MFSD11: variants seen among roughly 807,000 people sequenced by gnomAD.
The protein encoded by MFSD11 is major facilitator superfamily domain containing 11.
In MFSD11, 36 loss-of-function variants were observed where a neutral mutation model predicts 53.5. The observed-to-expected ratio is 0.67, with a 90% CI of 0.52 to 0.89. The LOEUF (loss-of-function observed/expected upper bound fraction) is 0.89, where lower values mean the gene tolerates loss of function less well. MFSD11 is among the 40% of genes least tolerant of loss of function. The probability of loss-of-function intolerance (pLI) is 0.00; values close to 1 mark genes in which losing one functional copy is unlikely to be tolerated. For missense variants in MFSD11, 530 were observed against 543.9 expected (o/e 0.97, Z 0.25); for synonymous variants, 186 against 184.9 (o/e 1.01, Z -0.05).
chr17:76,743,702 C>T (rs1215246551), intron 6 of MFSD11, among the ~76,000 whole-genome samples: 4 of 152,120 alleles, frequency 2.6e-5, no homozygotes, highest in Non-Finnish European at 4.4e-5. Context: ...CCGCAACCTC[C>T]GCCTCCCGGG....
At chr17:76,740,917 C>CTT (rs529882256) in intron 2 of MFSD11, 40 bp from the exon 3 acceptor site, 1,366 of 898,168 alleles carry the variant, frequency 1.5e-3, no homozygotes, top group African/African-American at 2.2e-3. Context: ...GGGCTTTGTT[C>CTT]TTTTTTTTTT....
intron 5 of MFSD11, 31 bp downstream of exon 5, chr17:76,742,304 T>C (rs765721566): frequency 6.4e-7 from 1 of 1,561,170 alleles, no homozygotes; most frequent in South Asian, 1.2e-5. Context: ...CAGTCTTTCC[T>C]TTTCTTTCTT....
chr17:76,743,943 G>T (rs1301585713), intron 6 of MFSD11, among the ~76,000 whole-genome samples: 1 of 152,140 alleles, frequency 6.6e-6, no homozygotes, highest in Non-Finnish European at 1.5e-5. Flanking sequence ...TAGGATTATA[G>T]TTTATGACTA....
At chr17:76,737,560 C>G (rs1184025068), upstream of MFSD11, 2 of 251,414 alleles carry the variant, frequency 8.0e-6, no homozygotes, top group South Asian at 2.6e-4. Context: ...AGTTGGAAAG[C>G]CCGCGAAACG....
At chr17:76,771,128 A>T (rs1416422907) in intron 10 of MFSD11, among the ~76,000 whole-genome samples, 1 of 152,162 alleles carries the variant, frequency 6.6e-6, no homozygotes, top group Admixed American at 6.5e-5. Flanking sequence ...AGGGGCCTGG[A>T]AGTTCTAGCC....
intron 3 of MFSD11, 55 bp from the exon 4 acceptor site, chr17:76,741,914 G>A (rs2144114450): frequency 6.2e-7 from 1 of 1,612,442 alleles, no homozygotes; most frequent in Non-Finnish European, 8.5e-7. Context: ...AGGCATAATT[G>A]GCATTCTATT....
the MFSD11 span, among the ~76,000 whole-genome samples, chr17:76,802,153 C>T: frequency 1.1e-4 from 17 of 152,148 alleles, no homozygotes; most frequent in Middle Eastern, 6.8e-3. Flanking sequence ...CACCTGTAAT[C>T]CCAGCTTCTC....
At chr17:76,781,728 ATGAAG>A (rs953490476), downstream of MFSD11, among the ~76,000 whole-genome samples, 14 of 152,200 alleles carry the variant, frequency 9.2e-5, no homozygotes, top group African/African-American at 3.4e-4. Flanking sequence ...GGGAAAGGAA[ATGAAG>A]TGAAGTGCTG....
At chr17:76,769,443 G>C (rs111963506) in intron 9 of MFSD11, 1 of 221,334 alleles carries the variant, frequency 4.5e-6, no homozygotes, top group African/African-American at 2.4e-5. Flanking sequence ...ACATCGAGAG[G>C]GCTCCACCCT....
At chr17:76,780,735 C>T (rs2082145184), downstream of MFSD11, among the ~76,000 whole-genome samples, 1 of 151,876 alleles carries the variant, frequency 6.6e-6, no homozygotes, top group South Asian at 2.1e-4. Context: ...AGGCTGGTCT[C>T]GAACTCTTGA....
rs1311296676 is a variant in MFSD11, at chr17:76,740,072, G to C, written c.153-885G>C. On this transcript the variant is annotated intron_variant, in intron 2 of 12. Coordinates refer to ENST00000685175, the MANE Select transcript of MFSD11 (RefSeq NM_001242532.5). ...GCCTGTAATCCCAGCTACTCGGGAG[G>C]CTGAGGCAAGAGAATGGCGTGAACC... 4.0e-5 allele frequency among the ~76,000 whole-genome samples: 6 copies of C among 151,582 alleles called. No homozygotes were observed. The East Asian group carries it at 1.2e-3, about 29-fold the overall frequency.
intron 7 of MFSD11, among the ~76,000 whole-genome samples, chr17:76,753,792 T>G (rs1266855828): frequency 6.6e-6 from 1 of 151,860 alleles, no homozygotes; most frequent in Non-Finnish European, 1.5e-5. Flanking sequence ...TGCATAAACA[T>G]GTACAATAAG....
the MFSD11 span, among the ~76,000 whole-genome samples, chr17:76,794,502 C>T: frequency 1.4e-5 from 2 of 145,822 alleles, no homozygotes; most frequent in Admixed American, 6.8e-5. Context: ...ATTAGCCAGG[C>T]GTGGTGGCAG....
intron 9 of MFSD11, among the ~76,000 whole-genome samples, chr17:76,768,985 CAAA>C (rs769093548): frequency 9.6e-5 from 8 of 83,090 alleles, no homozygotes; most frequent in Non-Finnish European, 8.1e-5. Flanking sequence ...GACTCTCTCT[CAAA>C]AAAAAAAAAA....
the MFSD11 span, among the ~76,000 whole-genome samples, chr17:76,797,669 G>A: frequency 1.8e-4 from 27 of 152,142 alleles, no homozygotes; most frequent in East Asian, 3.9e-3. Context: ...TCCTGGGAAT[G>A]CGGGGCAGCA....
intron 7 of MFSD11, among the ~76,000 whole-genome samples, chr17:76,752,473 G>A (rs1272851659): frequency 6.6e-6 from 1 of 150,586 alleles, no homozygotes; most frequent in Non-Finnish European, 1.5e-5. Flanking sequence ...CTCAGTTTCT[G>A]GGTTCAAGCG....
At chr17:76,796,352 C>G in the MFSD11 span, among the ~76,000 whole-genome samples, 1 of 152,136 alleles carries the variant, frequency 6.6e-6, no homozygotes, top group Admixed American at 6.6e-5. Context: ...CCTTTTCCCC[C>G]ATGTGTTTTT....
intron 10 of MFSD11, 81 bp from the exon 11 acceptor site, chr17:76,774,916 T>A (rs1383459872): frequency 7.1e-7 from 1 of 1,402,890 alleles, no homozygotes; most frequent in Non-Finnish European, 9.7e-7. Context: ...TGTTTATTCC[T>A]TGGCTCCTTG....
At chr17:76,796,467 C>A in the MFSD11 span, among the ~76,000 whole-genome samples, 5 of 152,186 alleles carry the variant, frequency 3.3e-5, no homozygotes, top group Non-Finnish European at 7.3e-5. Context: ...AGTCTGATGA[C>A]TTCCAACACC....
Sources: allele counts gnomAD v4.1 joint callset (sites outside exome capture counted in the v4.1 genomes callset), GRCh38; gene constraint gnomAD v4.1.1; transcripts MANE v1.5; gene names NCBI Gene and HGNC (gene_info 2026-07-23, HGNC 2026-07-21).